The following IPP variants were observed in gnomAD, a reference collection of about 807,000 sequenced individuals.
The protein encoded by IPP is intracisternal A particle-promoted polypeptide.
In IPP, 41 loss-of-function variants were observed where a neutral mutation model predicts 64.1. The ratio of observed to expected loss-of-function variants is 0.64; its 90% confidence interval spans 0.50 to 0.83. The LOEUF (loss-of-function observed/expected upper bound fraction) is 0.83. IPP is among the 40% of genes least tolerant of loss of function. IPP has a pLI of 0.00. For missense variants in IPP, 649 were observed against 703.0 expected (o/e 0.92, Z 0.87); for synonymous variants, 214 against 235.2 (o/e 0.91, Z 0.83).
At chr1:45,706,576 A>T (rs1645515563) in intron 8 of IPP, among the ~76,000 whole-genome samples, 1 of 152,084 alleles carries the variant, frequency 6.6e-6, no homozygotes, top group South Asian at 2.1e-4. Flanking sequence ...CAGCCCCCCA[A>T]GTAGCTGGGA....
downstream of IPP, among the ~76,000 whole-genome samples, chr1:45,698,273 CAA>C (rs1442582887): frequency 4.6e-5 from 7 of 152,100 alleles, no homozygotes; most frequent in East Asian, 7.7e-4. Context: ...GCCTGGGCAA[CAA>C]GAGCAAAATT....
Position 45,727,723 on chromosome 1 carries a change from A to C in IPP, c.956T>G (p.Phe319Cys), listed in dbSNP as rs748700863. Residue 319 changes from phenylalanine (F) to cysteine (C), a missense_variant, in exon 5 of 9, where the codon TTT (phenylalanine) becomes TGT (cysteine). Transcript: ENST00000396478. ...AGACACAGTGGTCCAGTACTGGCTA[A>C]AGGTGTCAAAACGTTCTACACAGCT... Reference protein sequence around the residue: ...ALSCVERFDTFSQYWTTVSSL... With the variant: ...ALSCVERFDTCSQYWTTVSSL... 6.2e-7 allele frequency: 1 copy of C among 1,601,102 alleles called. No homozygotes were observed. Among genetic ancestry groups the C allele is most frequent in the Non-Finnish European group, 8.5e-7 (1 of 1,170,370 alleles).
chr1:45,705,800 CGTCTCAACA>C (rs1175865833), intron 8 of IPP, among the ~76,000 whole-genome samples: 1 of 146,052 alleles, frequency 6.8e-6, no homozygotes, highest in African/African-American at 2.5e-5. Flanking sequence ...AGTGAGACAT[CGTCTCAACA>C]AACAAACAAA....
At chr1:45,695,277 ACCT>A (rs891344236), downstream of IPP, among the ~76,000 whole-genome samples, 2 of 152,062 alleles carry the variant, frequency 1.3e-5, no homozygotes, top group Non-Finnish European at 2.9e-5. Flanking sequence ...CAATTCTCCC[ACCT>A]CAGCCTCCTG....
Position 45,719,217 on chromosome 1 carries a change from G to A in IPP, c.1172C>T (p.Ala391Val). 6.2e-7 allele frequency: 1 copy of A among 1,613,888 alleles called. No individual in the cohort carries two copies. Among genetic ancestry groups the A allele is most frequent in the Non-Finnish European group, 8.5e-7 (1 of 1,179,918 alleles). Reference sequence around the variant, plus strand: ...AACATAATTACCCAAAGCATAGATAGCCCCATAACACACACACACTCCTAA... The same window carrying A: ...AACATAATTACCCAAAGCATAGATAACCCCATAACACACACACACTCCTAA... Reference protein sequence around the residue: ...CGLGVCVCYGAIYALGGWVGA... With the variant: ...CGLGVCVCYGVIYALGGWVGA... Residue 391 changes from alanine to valine, a missense_variant, in exon 6 of 9, where the codon GCT (alanine) becomes GTT (valine). Physicochemically the swap from Ala to Val is moderately conservative, Grantham distance 64. Transcript: ENST00000396478.
At chr1:45,705,131 T>A (rs1419867948) in intron 8 of IPP, among the ~76,000 whole-genome samples, 1 of 152,170 alleles carries the variant, frequency 6.6e-6, no homozygotes, top group Non-Finnish European at 1.5e-5. Context: ...GCTCTTAAAT[T>A]CCATCCTGAG....
chr1:45,727,798 C>A lies in IPP; in HGVS notation c.881G>T (p.Gly294Val). The change falls in exon 5 of 9, where the codon GGT becomes GTT. Residue 294 changes from glycine (G) to valine (V), a missense_variant and splice_region_variant. Coordinates refer to ENST00000396478, the MANE Select transcript of IPP (RefSeq NM_005897.3). ...ACCCCCCTGCAACCGAGTATATCCA[C>A]CTAAACAAAAGAAGAAAAGGTAGTA... ...KKARKYLYAVGGYTRLQGGRW... is the reference protein window; with the variant it reads ...KKARKYLYAVVGYTRLQGGRW... The A allele has an allele frequency of 6.6e-7, 1 of 1,515,420 alleles. No individual in the cohort carries two copies. The highest frequency in any genetic ancestry group is 9.0e-7 in the Non-Finnish European group (1 of 1,116,188). The allele number at this position is 1,515,420 out of a possible 1,614,324, so 93.9% of individuals were successfully genotyped here.
At chr1:45,735,107 G>A (rs1007128198) in intron 3 of IPP, among the ~76,000 whole-genome samples, 10 of 149,996 alleles carry the variant, frequency 6.7e-5, no homozygotes, top group African/African-American at 2.5e-4. Context: ...ATTTTGAGAT[G>A]GAGTCTTGCT....
chr1:45,745,636 ATCATGAGGT>A (rs1403437219), intron 2 of IPP, among the ~76,000 whole-genome samples: 1 of 151,950 alleles, frequency 6.6e-6, no homozygotes, highest in African/African-American at 2.4e-5. Context: ...AGGCGGGCGG[ATCATGAGGT>A]CAGGAGATCG....
intron 8 of IPP, among the ~76,000 whole-genome samples, chr1:45,709,428 G>A (rs1174441692): frequency 1.1e-3 from 28 of 25,276 alleles, no homozygotes; most frequent in African/African-American, 5.9e-3. Context: ...GCAAGACTCC[G>A]TCTCAAAAAA....
At position 45,719,355 on chromosome 1, in the gene IPP, AG is replaced by A; in HGVS notation, c.1049-16del. The A allele has an allele frequency of 1.3e-6, 2 of 1,544,734 alleles. No individual in the cohort carries two copies. Among genetic ancestry groups the A allele is most frequent in the Non-Finnish European group, 1.8e-6 (2 of 1,134,416 alleles). On this transcript the variant is annotated splice_polypyrimidine_tract_variant and intron_variant, in intron 5 of 8. Coordinates refer to ENST00000396478, the MANE Select transcript of IPP (RefSeq NM_005897.3). Reference sequence around the variant, plus strand: ...ATCCTTTTCACCTGAGTTAAATAAAAGAGACAAATATTATAAAGTTTAGTAA... The same window carrying A: ...ATCCTTTTCACCTGAGTTAAATAAAAAGACAAATATTATAAAGTTTAGTAA...
At chr1:45,701,437 GC>G (rs1377866384) in intron 8 of IPP, among the ~76,000 whole-genome samples, 1 of 152,156 alleles carries the variant, frequency 6.6e-6, no homozygotes, top group Non-Finnish European at 1.5e-5. Flanking sequence ...ACAGGAACCC[GC>G]CACCACGCCT....
Position 45,750,595 on chromosome 1 carries a change from AC to A in IPP, c.-51+1del, listed in dbSNP as rs1646209786. The A allele has an allele frequency of 6.6e-6, 1 of 152,050 alleles. No individual in the cohort carries two copies. Among genetic ancestry groups the A allele is most frequent in the South Asian group, 2.1e-4 (1 of 4,810 alleles). 9.4% of individuals were successfully genotyped at this position (152,050 alleles called of 1,614,324 possible). Reference sequence around the variant, plus strand: ...ACGCGCCCGAACGCAGGCCCTCCTTACCCGCCGCTTCCCCTTCCCTCCGGCG... The same window carrying A: ...ACGCGCCCGAACGCAGGCCCTCCTTACCGCCGCTTCCCCTTCCCTCCGGCG... On this transcript the variant is annotated splice_donor_variant, in intron 1 of 8. Coordinates refer to ENST00000396478, the MANE Select transcript of IPP (RefSeq NM_005897.3). LOFTEE classifies it low-confidence loss of function (5UTR_SPLICE).
chr1:45,733,222 C>T (rs185110216), intron 3 of IPP, among the ~76,000 whole-genome samples: 749 of 151,248 alleles, frequency 5.0e-3, no homozygotes, highest in Middle Eastern at 0.01. Flanking sequence ...GTCAGGAGTT[C>T]GAGAACAGCC....
chr1:45,747,008 T>A (rs527518299), intron 1 of IPP, among the ~76,000 whole-genome samples: 1 of 152,292 alleles, frequency 6.6e-6, no homozygotes, highest in East Asian at 1.9e-4. Context: ...CCCAAACTCA[T>A]CTGAGTTTGT....
chr1:45,740,838 C>G, intron 3 of IPP, 63 bp downstream of exon 3: 1 of 1,057,974 alleles, frequency 9.5e-7, no homozygotes, highest in African/African-American at 1.6e-5. Context: ...CACTCTCCCA[C>G]ATTTCAGAGA....
intron 5 of IPP, among the ~76,000 whole-genome samples, chr1:45,721,756 G>A (rs920166052): frequency 1.3e-5 from 2 of 152,192 alleles, no homozygotes; most frequent in Admixed American, 6.5e-5. Context: ...TATCTAAAAA[G>A]TTACTTCTTG....
chr1:45,711,624 C>T (rs1424841909), intron 8 of IPP, among the ~76,000 whole-genome samples: 1 of 151,898 alleles, frequency 6.6e-6, no homozygotes, highest in South Asian at 2.1e-4. Flanking sequence ...TGTGGTGGCA[C>T]ATGCCTGTAT....
intron 3 of IPP, among the ~76,000 whole-genome samples, chr1:45,740,539 C>T (rs955099537): frequency 1.3e-4 from 19 of 151,804 alleles, no homozygotes; most frequent in African/African-American, 2.2e-4. Flanking sequence ...GGCGGCTGGC[C>T]GGGCGGGGGG....
Sources: gnomAD v4.1 joint callset for allele counts (sites outside exome capture counted in the v4.1 genomes callset) on GRCh38, gnomAD v4.1.1 for gene constraint, MANE v1.5 for transcripts, NCBI Gene and HGNC (gene_info 2026-07-23, HGNC 2026-07-21) for gene names.